CDH12: variants seen among roughly 807,000 people sequenced by gnomAD.
CDH12 encodes cadherin-12.
A neutral mutation model predicts 74.1 loss-of-function variants in CDH12; 41 were observed. The observed-to-expected ratio is 0.55, with a 90% confidence interval of 0.43 to 0.72. The LOEUF (loss-of-function observed/expected upper bound fraction) is 0.72. CDH12 is among the 30% of genes least tolerant of loss of function. The probability of loss-of-function intolerance (pLI) is 0.00; values close to 1 mark genes in which losing one functional copy is unlikely to be tolerated. For missense variants in CDH12, 945 were observed against 977.2 expected (o/e 0.97, Z 0.44); for synonymous variants, 399 against 355.0 (o/e 1.12, Z -1.39).
rs190772217 is a variant in CDH12, at chr5:22,086,438, G to A, written c.-186-7576C>T. On this transcript the variant is annotated intron_variant, in intron 4 of 14. Coordinates refer to ENST00000382254, the MANE Select transcript of CDH12 (RefSeq NM_004061.5). ...CGTCTCATTCCAGCCTCCGCCTCCCGGGTTTAAACAATTCTCTGCCTCAGC... is the reference window on the plus strand; with the variant it reads ...CGTCTCATTCCAGCCTCCGCCTCCCAGGTTTAAACAATTCTCTGCCTCAGC... 2.5e-3 allele frequency among the ~76,000 whole-genome samples: 383 copies of A among 152,070 alleles called. 2 individuals are homozygous for A. The highest frequency in any genetic ancestry group is 8.7e-3 in the African/African-American group (362 of 41,500).
intron 5 of CDH12, among the ~76,000 whole-genome samples, chr5:22,062,895 T>C (rs529178720): frequency 6.4e-4 from 98 of 152,306 alleles, no homozygotes; most frequent in African/African-American, 2.3e-3. Flanking sequence ...CACTCTGATA[T>C]TGAAAGCTCA....
chr5:22,035,084 CAAT>C (rs1232368436), intron 5 of CDH12, among the ~76,000 whole-genome samples: 2 of 152,158 alleles, frequency 1.3e-5, no homozygotes, highest in East Asian at 3.9e-4. Context: ...AAGAACGTGT[CAAT>C]GATGTTAAGT....
chr5:21,985,350 C>T (rs558265289), intron 5 of CDH12, among the ~76,000 whole-genome samples: 13 of 152,096 alleles, frequency 8.5e-5, no homozygotes, highest in African/African-American at 1.4e-4. Flanking sequence ...CTACTTAATA[C>T]GGACATCTTT....
At chr5:22,741,692 A>G (rs1745031804) in intron 1 of CDH12, among the ~76,000 whole-genome samples, 1 of 152,126 alleles carries the variant, frequency 6.6e-6, no homozygotes, top group Admixed American at 6.6e-5. Context: ...AGCAATGACA[A>G]TTTTCTAAAA....
intron 4 of CDH12, among the ~76,000 whole-genome samples, chr5:22,099,496 T>C (rs1037834726): frequency 3.3e-5 from 5 of 152,216 alleles, no homozygotes; most frequent in Admixed American, 2.6e-4. Flanking sequence ...TAAGCTCCTG[T>C]ATGGACACTC....
At chr5:21,811,144 C>T (rs1289344316) in intron 9 of CDH12, among the ~76,000 whole-genome samples, 1 of 151,958 alleles carries the variant, frequency 6.6e-6, no homozygotes, top group Non-Finnish European at 1.5e-5. Flanking sequence ...TTGAAATAAA[C>T]TAATATTGCC....
Position 22,078,623 on chromosome 5 carries a change from A to G in CDH12, c.54T>C (p.Gly18=), listed in dbSNP as rs747217207. The G allele has an allele frequency of 1.2e-6, 2 of 1,613,704 alleles. No homozygotes were observed. The highest frequency in any genetic ancestry group is 2.2e-5 in the South Asian group (2 of 91,076). The change falls in exon 5 of 15, where the codon GGT becomes GGC. Residue 18 remains glycine, a synonymous_variant. Coordinates refer to ENST00000382254, the MANE Select transcript of CDH12 (RefSeq NM_004061.5). ...SLLLWVLFDG[G]LLTPLQPQPQ... ...GCTGTGGTTGTAGTGGTGTTAGGAG[A>G]CCTCCATCAAACAGAACCCAGAGAA...
At chr5:22,563,049 T>C (rs1238872704) in intron 1 of CDH12, among the ~76,000 whole-genome samples, 1 of 147,544 alleles carries the variant, frequency 6.8e-6, no homozygotes, top group African/African-American at 2.5e-5. Context: ...TATATTGATA[T>C]ATTTAAATAT....
At chr5:22,457,382 C>T (rs1745321025) in intron 2 of CDH12, among the ~76,000 whole-genome samples, 1 of 149,652 alleles carries the variant, frequency 6.7e-6, no homozygotes, top group Middle Eastern at 3.4e-3. Flanking sequence ...TCTCCTTTTC[C>T]TTCTCCTTCT....
At chr5:22,562,952 A>G (rs946478124) in intron 1 of CDH12, among the ~76,000 whole-genome samples, 2 of 147,800 alleles carry the variant, frequency 1.4e-5, no homozygotes. Context: ...AAATATTTAT[A>G]TTTTATATAA....
intron 4 of CDH12, among the ~76,000 whole-genome samples, chr5:22,178,052 T>G (rs540333164): frequency 6.6e-6 from 1 of 152,304 alleles, no homozygotes; most frequent in East Asian, 1.9e-4. Context: ...GCATCTTCCC[T>G]CACTGGCATG....
intron 6 of CDH12, among the ~76,000 whole-genome samples, chr5:21,894,819 G>A (rs1753049424): frequency 6.6e-6 from 1 of 151,968 alleles, no homozygotes; most frequent in South Asian, 2.1e-4. Flanking sequence ...TTATCCTTTA[G>A]TAATAACTAA....
intron 1 of CDH12, among the ~76,000 whole-genome samples, chr5:22,550,300 A>G (rs927871688): frequency 6.6e-6 from 1 of 152,116 alleles, no homozygotes; most frequent in Non-Finnish European, 1.5e-5. Flanking sequence ...TTGAACACTT[A>G]TCTCATTTAG....
At chr5:21,825,641 C>T (rs1356631193) in intron 8 of CDH12, among the ~76,000 whole-genome samples, 1 of 152,136 alleles carries the variant, frequency 6.6e-6, no homozygotes, top group East Asian at 1.9e-4. Flanking sequence ...AGCAGCCTTA[C>T]CCTGCTGACT....
At chr5:22,068,591 G>C (rs1263162254) in intron 5 of CDH12, among the ~76,000 whole-genome samples, 2 of 152,166 alleles carry the variant, frequency 1.3e-5, no homozygotes, top group African/African-American at 4.8e-5. Flanking sequence ...GACTTGGAAG[G>C]GACATGATTG....
Position 22,039,894 on chromosome 5 carries a change from C to T in CDH12, c.231+38552G>A, listed in dbSNP as rs550616997. 2.0e-5 allele frequency among the ~76,000 whole-genome samples: 3 copies of T among 151,712 alleles called. No homozygotes were observed. The East Asian group carries it at 5.9e-4, about 30-fold the overall frequency. ...ATTATTCAAACAGATGTGCAGATAT[C>T]AAGGTGGTGACATGAAAAAGCAAGG... On this transcript the variant is annotated intron_variant, in intron 5 of 14. Transcript: ENST00000382254.
chr5:22,449,538 CAG>C (rs574074890), intron 2 of CDH12, among the ~76,000 whole-genome samples: 170 of 152,070 alleles, frequency 1.1e-3, no homozygotes, highest in Non-Finnish European at 2.2e-3. Flanking sequence ...TAAAATTTTA[CAG>C]AGTGTTTCTT....
At chr5:22,437,707 C>T (rs1210578386) in intron 2 of CDH12, among the ~76,000 whole-genome samples, 3 of 151,432 alleles carry the variant, frequency 2.0e-5, no homozygotes, top group East Asian at 3.9e-4. Flanking sequence ...TTGCTAAGGA[C>T]TCTCACAATC....
At chr5:22,495,285 C>A (rs1179150262) in intron 2 of CDH12, among the ~76,000 whole-genome samples, 1 of 152,118 alleles carries the variant, frequency 6.6e-6, no homozygotes, top group East Asian at 1.9e-4. Flanking sequence ...AAGGATCCTA[C>A]CACTCTTCAC....
Sources: allele counts gnomAD v4.1 joint callset (sites outside exome capture counted in the v4.1 genomes callset), GRCh38; gene constraint gnomAD v4.1.1; transcripts MANE v1.5; gene names NCBI Gene and HGNC (gene_info 2026-07-23, HGNC 2026-07-21).